The following ERBB4 variants were observed in gnomAD, a reference collection of about 807,000 sequenced individuals.
ERBB4 encodes the protein receptor tyrosine-protein kinase erbB-4.
Under a neutral mutation model 158.0 loss-of-function variants are expected in ERBB4, and 42 were observed. The ratio of observed to expected loss-of-function variants is 0.27; its 90% confidence interval spans 0.21 to 0.34. The LOEUF (loss-of-function observed/expected upper bound fraction) is 0.34, where lower values mean the gene tolerates loss of function less well. Among genes scored for constraint, ERBB4 ranks in the 10% least tolerant of loss-of-function variants. The pLI, the probability that ERBB4 is intolerant of heterozygous loss-of-function variation, is 1.00. For synonymous variants in ERBB4, 583 were observed against 558.7 expected (o/e 1.04, Z -0.61); for missense variants, 1,333 against 1,624.1 (o/e 0.82, Z 3.08).
At chr2:211,535,828 A>G (rs1024587773) in intron 20 of ERBB4, 4 of 152,076 alleles carry the variant, frequency 2.6e-5, no homozygotes, top group African/African-American at 9.7e-5. Flanking sequence ...CCGATTAAAA[A>G]CTAATTTTAA....
intron 20 of ERBB4, among the ~76,000 whole-genome samples, chr2:211,561,591 A>G (rs1213165522): frequency 6.6e-6 from 1 of 152,238 alleles, no homozygotes. Context: ...TTATTAGTTA[A>G]CTAGACTATA....
intron 1 of ERBB4, among the ~76,000 whole-genome samples, chr2:212,297,702 A>G (rs1440289563): frequency 6.6e-6 from 1 of 151,772 alleles, no homozygotes; most frequent in African/African-American, 2.4e-5. Flanking sequence ...AATCTCAAAT[A>G]AAGTAAATAT....
intron 22 of ERBB4, among the ~76,000 whole-genome samples, chr2:211,426,830 CATAAT>C (rs981651440): frequency 2.0e-5 from 3 of 151,166 alleles, no homozygotes; most frequent in African/African-American, 4.8e-5. Flanking sequence ...ATAAATCTGA[CATAAT>C]ATATATTCTA....
At chr2:211,885,853 T>A (rs894244966) in intron 3 of ERBB4, among the ~76,000 whole-genome samples, 1 of 152,222 alleles carries the variant, frequency 6.6e-6, no homozygotes. Flanking sequence ...GAAATTAGTC[T>A]TTAAGTTTCA....
At chr2:212,298,596 G>A (rs1192698035) in intron 1 of ERBB4, among the ~76,000 whole-genome samples, 2 of 151,630 alleles carry the variant, frequency 1.3e-5, no homozygotes, top group Admixed American at 6.6e-5. Context: ...TACACTACCT[G>A]AGGAACTCAC....
In ERBB4 at chr2:211,379,543, T is replaced by G. The variant is rs2125298359; in HGVS notation, c.*4072A>C. 2 of 231,100 alleles carry G rather than the reference T, an allele frequency of 8.7e-6. No individual in the cohort carries two copies. The highest frequency in any genetic ancestry group is 1.2e-4 in the East Asian group (2 of 16,222). 14.3% of individuals were successfully genotyped at this position (231,100 alleles called of 1,614,324 possible). On this transcript the variant is annotated 3_prime_UTR_variant, in exon 28 of 28. Transcript: ENST00000342788. ...TTATCTTTTTACTATGCAAAATCCATCCTACATTTTTATATCCTGCATTTA... is the reference window on the plus strand; with the variant it reads ...TTATCTTTTTACTATGCAAAATCCAGCCTACATTTTTATATCCTGCATTTA...
chr2:212,292,283 G>C lies in ERBB4; in HGVS notation c.83-167380C>G, dbSNP rs192733582. ...ATAATTGGAAAGATGCTTAAAAAAAGATCTTTCCTAACCTTTTCATCTTAT... is the reference window on the plus strand; with the variant it reads ...ATAATTGGAAAGATGCTTAAAAAAACATCTTTCCTAACCTTTTCATCTTAT... On this transcript the variant is annotated intron_variant, in intron 1 of 27. Coordinates refer to ENST00000342788, the MANE Select transcript of ERBB4 (RefSeq NM_005235.3). 3.2e-3 allele frequency among the ~76,000 whole-genome samples: 490 copies of C among 151,984 alleles called. 1 individual carries two copies. The highest frequency in any genetic ancestry group is 0.011 in the African/African-American group (466 of 41,532).
At chr2:211,565,735 C>T (rs1433134559) in intron 19 of ERBB4, among the ~76,000 whole-genome samples, 1 of 152,002 alleles carries the variant, frequency 6.6e-6, no homozygotes, top group Non-Finnish European at 1.5e-5. Context: ...AAGGGTTTAT[C>T]GTGAGGTTTA....
At chr2:211,495,639 T>C (rs899811939) in intron 20 of ERBB4, among the ~76,000 whole-genome samples, 6 of 152,026 alleles carry the variant, frequency 3.9e-5, no homozygotes, top group African/African-American at 1.4e-4. Context: ...TATATTTTCC[T>C]CTCTACTAGG....
chr2:211,767,326 A>T (rs938003759), intron 4 of ERBB4, among the ~76,000 whole-genome samples: 1 of 152,146 alleles, frequency 6.6e-6, no homozygotes, highest in South Asian at 2.1e-4. Flanking sequence ...TTGTCATTCA[A>T]TTTTACACAG....
chr2:212,170,190 G>T (rs928946391), intron 1 of ERBB4, among the ~76,000 whole-genome samples: 8 of 152,158 alleles, frequency 5.3e-5, no homozygotes, highest in African/African-American at 1.9e-4. Context: ...GAACAATGAA[G>T]TCCAGGCTGA....
intron 1 of ERBB4, among the ~76,000 whole-genome samples, chr2:212,256,016 A>AT (rs1226738565): frequency 1.1e-4 from 12 of 110,872 alleles, no homozygotes; most frequent in East Asian, 4.9e-4. Flanking sequence ...TTTTTTACAA[A>AT]TGGGGGGGGG....
intron 3 of ERBB4, among the ~76,000 whole-genome samples, chr2:211,831,149 C>G (rs944048793): frequency 6.6e-6 from 1 of 152,130 alleles, no homozygotes; most frequent in Non-Finnish European, 1.5e-5. Flanking sequence ...TAAAGAATCT[C>G]TAATTAGGCT....
chr2:211,957,551 T>C (rs532429135), intron 2 of ERBB4, among the ~76,000 whole-genome samples: 1 of 152,254 alleles, frequency 6.6e-6, no homozygotes, highest in East Asian at 1.9e-4. Flanking sequence ...GGGTACATTA[T>C]TTAACCTTTC....
intron 2 of ERBB4, among the ~76,000 whole-genome samples, chr2:211,986,472 T>C (rs1471064911): frequency 1.3e-5 from 2 of 152,188 alleles, no homozygotes; most frequent in East Asian, 1.9e-4. Context: ...AAGTTTATGA[T>C]TTATTAGACT....
chr2:212,388,939 A>T (rs895285334), intron 1 of ERBB4, among the ~76,000 whole-genome samples: 1 of 152,146 alleles, frequency 6.6e-6, no homozygotes, highest in African/African-American at 2.4e-5. Context: ...ATAACTGAAC[A>T]AGGCATCTCT....
chr2:211,813,591 C>A (rs1307242161), intron 3 of ERBB4, among the ~76,000 whole-genome samples: 1 of 152,088 alleles, frequency 6.6e-6, no homozygotes, highest in Non-Finnish European at 1.5e-5. Flanking sequence ...TTAATCATGT[C>A]ATTATTTTAA....
At chr2:212,374,393 A>G (rs182055757) in intron 1 of ERBB4, among the ~76,000 whole-genome samples, 2 of 152,072 alleles carry the variant, frequency 1.3e-5, no homozygotes, top group East Asian at 1.9e-4. Flanking sequence ...TATAGCAACA[A>G]TAACAACAAA....
intron 3 of ERBB4, among the ~76,000 whole-genome samples, chr2:211,809,112 C>G (rs996655462): frequency 3.9e-5 from 6 of 152,080 alleles, no homozygotes; most frequent in African/African-American, 1.4e-4. Context: ...AATTGAATAC[C>G]CTTCATTTCT....
Sources: allele counts gnomAD v4.1 joint callset (sites outside exome capture counted in the v4.1 genomes callset), GRCh38; gene constraint gnomAD v4.1.1; transcripts MANE v1.5; gene names NCBI Gene and HGNC (gene_info 2026-07-23, HGNC 2026-07-21).